Variants in HMSD observed in about 807,000 individuals in gnomAD.
HMSD encodes histocompatibility minor serpin domain containing.
Under a neutral mutation model 10.0 loss-of-function variants are expected in HMSD, and 13 were observed. The observed-to-expected ratio is 1.31, with a 90% CI of 0.85 to 2.08. The LOEUF is 2.08. HMSD is among the 30% of genes most tolerant of loss of function. The pLI, the probability that HMSD is intolerant of heterozygous loss-of-function variation, is 0.00. For missense variants in HMSD, 169 were observed against 166.3 expected (o/e 1.02, Z -0.09); for synonymous variants, 51 against 54.2 (o/e 0.94, Z 0.26).
At chr18:63,963,046 T>C (rs181013350), downstream of HMSD, among the ~76,000 whole-genome samples, 1,580 of 125,490 alleles carry the variant, frequency 0.013, 43 homozygotes, top group Non-Finnish European at 0.016. Context: ...TCAGATGTAG[T>C]TTTCTTTCTT....
intron 3 of HMSD, 114 bp downstream of exon 3, chr18:63,954,671 G>A (rs751558615): frequency 2.7e-5 from 22 of 801,924 alleles, no homozygotes; most frequent in Middle Eastern, 2.5e-4. Flanking sequence ...CTCCACGCAC[G>A]AATCTCACAC....
At chr18:63,965,994 T>C (rs537414194), downstream of HMSD, among the ~76,000 whole-genome samples, 1 of 152,268 alleles carries the variant, frequency 6.6e-6, no homozygotes, top group East Asian at 1.9e-4. Context: ...AACCTTACTT[T>C]ATAACAACCC....
chr18:63,959,130 T>C (rs2050373526), intron 3 of HMSD, among the ~76,000 whole-genome samples: 1 of 152,210 alleles, frequency 6.6e-6, no homozygotes, highest in South Asian at 2.1e-4. Context: ...GTTTCTACCT[T>C]GGCCGGTTAG....
downstream of HMSD, among the ~76,000 whole-genome samples, chr18:63,962,969 T>G (rs2050392438): frequency 6.6e-6 from 1 of 152,092 alleles, no homozygotes; most frequent in African/African-American, 2.4e-5. Flanking sequence ...CACACCTGAT[T>G]GGCGTATCTA....
At chr18:63,955,962 GC>G (rs1341233520) in intron 3 of HMSD, among the ~76,000 whole-genome samples, 1 of 152,186 alleles carries the variant, frequency 6.6e-6, no homozygotes, top group Non-Finnish European at 1.5e-5. Flanking sequence ...TCCCCACTGT[GC>G]TTTTAGACTG....
chr18:63,958,986 T>C (rs994970115), intron 3 of HMSD, among the ~76,000 whole-genome samples: 2 of 152,080 alleles, frequency 1.3e-5, no homozygotes, highest in African/African-American at 4.8e-5. Flanking sequence ...ATAGTCACCA[T>C]TTGTAAAAAA....
chr18:63,963,117 CTT>C (rs879922360), downstream of HMSD, among the ~76,000 whole-genome samples: 1,026 of 126,536 alleles, frequency 8.1e-3, 11 homozygotes, highest in Non-Finnish European at 0.011. Flanking sequence ...TTCTTTCTTT[CTT>C]TCTTTCTTTC....
downstream of HMSD, among the ~76,000 whole-genome samples, chr18:63,965,470 A>G (rs55715438): frequency 0.29 from 44,542 of 152,136 alleles, 7,574 homozygotes; most frequent in African/African-American, 0.47. Context: ...CTTCAAATTA[A>G]TGGAGAGACT....
At chr18:63,963,042 G>A (rs2050392697), downstream of HMSD, among the ~76,000 whole-genome samples, 1 of 127,396 alleles carries the variant, frequency 7.8e-6, no homozygotes, top group African/African-American at 3.7e-5. Context: ...GACTTCAGAT[G>A]TAGTTTTCTT....
At chr18:63,964,767 C>T (rs1362578065), downstream of HMSD, among the ~76,000 whole-genome samples, 1 of 152,110 alleles carries the variant, frequency 6.6e-6, no homozygotes, top group Non-Finnish European at 1.5e-5. Context: ...GGGCCCAACC[C>T]TCCTGACTTT....
rs762154669 is a variant in HMSD, at chr18:63,954,558, G to GT, written c.222+2dup. The GT allele has an allele frequency of 1.2e-6, 2 of 1,608,890 alleles. No individual in the cohort carries two copies. Among genetic ancestry groups the GT allele is most frequent in the Non-Finnish European group, 8.5e-7 (1 of 1,176,650 alleles). On this transcript the variant is annotated splice_donor_variant, in intron 3 of 3. Coordinates refer to ENST00000408945, the MANE Select transcript of HMSD (RefSeq NM_001123366.2). LOFTEE classifies it high-confidence loss of function. ...AGAAAAGTCTTATGATTTCCTCACA[G>GT]TAAGTCATACTTGTTTATTAGGAAA...
intron 3 of HMSD, 49 bp from the exon 4 acceptor site, chr18:63,960,109 A>G (rs765214334): frequency 6.6e-7 from 1 of 1,514,554 alleles, no homozygotes; most frequent in Non-Finnish European, 9.1e-7. Context: ...TAAGCCAGTG[A>G]TATTAGTTGT....
At chr18:63,958,377 T>C (rs904768130) in intron 3 of HMSD, among the ~76,000 whole-genome samples, 23 of 152,116 alleles carry the variant, frequency 1.5e-4, no homozygotes, top group Non-Finnish European at 4.4e-5. Flanking sequence ...CATGCCATAC[T>C]GATACAGAAG....
chr18:63,950,415 C>CAAAAAAAAAAAAAAAAA lies in HMSD; in HGVS notation c.-103+1026_-103+1042dup, dbSNP rs562421091. Among the ~76,000 whole-genome samples the CAAAAAAAAAAAAAAAAA allele has an allele frequency of 5.6e-4, 22 of 39,068 alleles. 1 individual carries two copies. Among genetic ancestry groups the CAAAAAAAAAAAAAAAAA allele is most frequent in the African/African-American group, 1.3e-3 (20 of 15,334 alleles). The allele number at this position is 39,068 out of a possible 152,430, so 25.6% of individuals were successfully genotyped here. ...TGAGGGACAAAGCGAGACTCTCTCT[C>CAAAAAAAAAAAAAAAAA]AAAAAAAAAAAAAAAAAAAAAAAAA... On this transcript the variant is annotated intron_variant, in intron 1 of 3. Transcript: ENST00000408945.
At chr18:63,959,411 G>A (rs537554425) in intron 3 of HMSD, among the ~76,000 whole-genome samples, 3 of 152,034 alleles carry the variant, frequency 2.0e-5, no homozygotes, top group East Asian at 1.9e-4. Context: ...TCTGTGATTC[G>A]TGTGTTATTG....
intron 3 of HMSD, among the ~76,000 whole-genome samples, chr18:63,955,964 T>A (rs1003732492): frequency 6.6e-6 from 1 of 152,194 alleles, no homozygotes; most frequent in Non-Finnish European, 1.5e-5. Flanking sequence ...CCCACTGTGC[T>A]TTTAGACTGG....
downstream of HMSD, among the ~76,000 whole-genome samples, chr18:63,963,816 T>C (rs927664971): frequency 6.6e-6 from 1 of 152,178 alleles, no homozygotes; most frequent in African/African-American, 2.4e-5. Flanking sequence ...GTGTTCAGCT[T>C]TGCCAATAGA....
downstream of HMSD, among the ~76,000 whole-genome samples, chr18:63,963,711 A>G (rs988536034): frequency 7.2e-5 from 11 of 152,216 alleles, no homozygotes; most frequent in African/African-American, 2.4e-4. Flanking sequence ...GCTGTGCCAG[A>G]TATCAATTTA....
downstream of HMSD, among the ~76,000 whole-genome samples, chr18:63,965,891 G>A (rs547129863): frequency 6.6e-6 from 1 of 152,276 alleles, no homozygotes; most frequent in African/African-American, 2.4e-5. Context: ...GGAGGCGGAG[G>A]TTGCAGTGAA....
Sources: allele counts gnomAD v4.1 joint callset (sites outside exome capture counted in the v4.1 genomes callset), GRCh38; gene constraint gnomAD v4.1.1; transcripts MANE v1.5; gene names NCBI Gene and HGNC (gene_info 2026-07-23, HGNC 2026-07-21).